Variants in MCRS1 observed in about 807,000 individuals in gnomAD.
The protein encoded by MCRS1 is 58 kDa microspherule protein.
Under a neutral mutation model 62.9 loss-of-function variants are expected in MCRS1, and 22 were observed. The ratio of observed to expected loss-of-function variants is 0.35; its 90% CI spans 0.25 to 0.50. MCRS1 has a LOEUF of 0.50. Ranked by LOEUF, MCRS1 falls within the 20% of genes least tolerant of loss-of-function variation. MCRS1 has a pLI of 0.98. For missense variants in MCRS1, 456 were observed against 601.1 expected, an observed-to-expected ratio of 0.76 and a Z score of 2.52; for synonymous variants, 244 against 233.5, an observed-to-expected ratio of 1.04 and a Z score of -0.41.
At position 49,559,150 on chromosome 12, in the gene MCRS1, A is replaced by G; in HGVS notation, c.1174+64T>C. 6.4e-7 allele frequency: 1 copy of G among 1,568,198 alleles called. No homozygotes were observed. Among genetic ancestry groups the G allele is most frequent in the Non-Finnish European group, 8.7e-7 (1 of 1,143,738 alleles). On this transcript the variant is annotated intron_variant, in intron 13 of 14. Transcript: ENST00000343810. This position sits in a 1 kb window ranked among gnomAD's most constrained non-coding sequence, Gnocchi z 5.2. ...GACACCAAGCCCAGGGCTAGAAAGG[A>G]CAGCGAGAGGCTGGGAGGGACGACC...
intron 8 of MCRS1, 100 bp from the exon 9 acceptor site, chr12:49,560,470 G>A: frequency 9.3e-7 from 1 of 1,078,334 alleles, no homozygotes; most frequent in South Asian, 1.3e-5. Context: ...ACTGCGCTGG[G>A]TGGAGAGCCC....
chr12:49,562,871 G>T, intron 8 of MCRS1, 130 bp downstream of exon 8: 1 of 1,217,674 alleles, frequency 8.2e-7, no homozygotes, highest in Non-Finnish European at 1.1e-6. Context: ...GCAATGTGAG[G>T]TGAACAAGAC....
chr12:49,562,867 TGAG>T, intron 8 of MCRS1, 131 bp downstream of exon 8: 1 of 1,170,700 alleles, frequency 8.5e-7, no homozygotes, highest in Non-Finnish European at 1.1e-6. Context: ...TTTTGCAATG[TGAG>T]GTGAACAAGA....
Position 49,568,141 on chromosome 12 carries a change from T to C in MCRS1, c.-204A>G, listed in dbSNP as rs1006872631. On this transcript the variant is annotated 5_prime_UTR_variant, in exon 1 of 15. Coordinates refer to ENST00000343810, the MANE Select transcript of MCRS1 (RefSeq NM_006337.5). ...TTCCGTGAGGTACGTCTACTTCCGG[T>C]TAACGAACCAGGGGGCTGGCAATCT... 1 of 152,150 alleles carries C rather than the reference T, an allele frequency of 6.6e-6. No individual in the cohort carries two copies. Among genetic ancestry groups the C allele is most frequent in the Non-Finnish European group, 1.5e-5 (1 of 68,008 alleles). 9.4% of individuals were successfully genotyped at this position (152,150 alleles called of 1,614,324 possible). A position where few individuals can be genotyped will look rare whatever the true frequency, so the allele number is the denominator to read the frequency against.
At position 49,559,270 on chromosome 12, in the gene MCRS1, T is replaced by C; in HGVS notation, c.1118A>G (p.Gln373Arg). 6.2e-7 allele frequency: 1 copy of C among 1,614,062 alleles called. No homozygotes were observed. Among genetic ancestry groups the C allele is most frequent in the Non-Finnish European group, 8.5e-7 (1 of 1,180,008 alleles). The change falls in exon 13 of 15, where the codon CAG becomes CGG. Residue 373 changes from glutamine (Q) to arginine (R), a missense_variant. Physicochemically the swap from Gln to Arg is conservative, Grantham distance 43 (BLOSUM62 1). Around this residue, in one of 3 missense-constraint regions of MCRS1, gnomAD observed 393 missense variants for 523.5 expected, o/e 0.75. Coordinates refer to ENST00000343810, the MANE Select transcript of MCRS1 (RefSeq NM_006337.5). This position sits in a 1 kb window ranked among gnomAD's most constrained non-coding sequence, Gnocchi z 5.2. ...CTCCAGAGACAGGTCCACATCAATC[T>C]GGTTATCCTTGGTTGCTCTGCCCAG... ...ITLGRATKDN[Q>R]IDVDLSLEGP...
At chr12:49,563,613 AT>A in intron 6 of MCRS1, 67 bp from the exon 7 acceptor site, 2 of 1,220,034 alleles carry the variant, frequency 1.6e-6, no homozygotes, top group Non-Finnish European at 2.3e-6. Flanking sequence ...GGTTCCTACT[AT>A]TTCCCCCAAA....
Position 49,564,803 on chromosome 12 carries a change from C to T in MCRS1, c.381G>A (p.Gln127=), listed in dbSNP as rs751041711. The change falls in exon 5 of 15, where the codon CAG becomes CAA. Residue 127 remains glutamine (Q), a synonymous_variant. Coordinates refer to ENST00000343810, the MANE Select transcript of MCRS1 (RefSeq NM_006337.5). ...KRVKKSKQPL[Q]VTKDLGRWKP... is the part of the protein sequence containing the mutation. ...TCCAGCGGCCCAGATCCTTGGTCAC[C>T]TGAAGTGGCTGTTTACTCTTCTTCA... The T allele has an allele frequency of 5.0e-6, 8 of 1,613,996 alleles. No homozygotes were observed. In the Admixed American group the frequency reaches 1.2e-4, roughly 24 times the overall value.
At chr12:49,567,090 G>T (rs1361715861) in intron 1 of MCRS1, among the ~76,000 whole-genome samples, 1 of 152,146 alleles carries the variant, frequency 6.6e-6, no homozygotes, top group Non-Finnish European at 1.5e-5. Context: ...ATTTTAGAGG[G>T]TTCATAGACC....
In MCRS1 at chr12:49,559,620, G is replaced by T; in HGVS notation, c.1004-85C>A. ...ACCAGGGCAAGGTTTATAAGGGAAGGGGGTCGGGGCCTGGGAAACGAGGGT... is the reference window on the plus strand; with the variant it reads ...ACCAGGGCAAGGTTTATAAGGGAAGTGGGTCGGGGCCTGGGAAACGAGGGT... On this transcript the variant is annotated intron_variant, in intron 11 of 14. Coordinates refer to ENST00000343810, the MANE Select transcript of MCRS1 (RefSeq NM_006337.5). This position sits in a 1 kb window ranked among gnomAD's most constrained non-coding sequence, Gnocchi z 5.2. 1 of 1,589,930 alleles carries T rather than the reference G, an allele frequency of 6.3e-7. No individual in the cohort carries two copies. Among genetic ancestry groups the T allele is most frequent in the Non-Finnish European group, 8.6e-7 (1 of 1,163,240 alleles).
At chr12:49,562,572 C>T (rs1390816771) in intron 8 of MCRS1, among the ~76,000 whole-genome samples, 4 of 152,030 alleles carry the variant, frequency 2.6e-5, no homozygotes, top group Admixed American at 6.6e-5. Flanking sequence ...AGGCAAAGAG[C>T]GGAAAAGCTC....
In MCRS1 at chr12:49,558,459, G is replaced by A. The variant is rs2138177208; in HGVS notation, c.*184C>T. On this transcript the variant is annotated 3_prime_UTR_variant, in exon 15 of 15. Coordinates refer to ENST00000343810, the MANE Select transcript of MCRS1 (RefSeq NM_006337.5). The stretch of plus-strand genomic sequence containing the variant: ...GGGCTCTGGATCTAGGGAAGCCTGA[G>A]GTTCTCAGCCTCTGCTGGCTTCACA... 1.6e-6 allele frequency: 1 copy of A among 622,178 alleles called. No homozygotes were observed. The highest frequency in any genetic ancestry group is 2.8e-6 in the Non-Finnish European group (1 of 363,442). 38.5% of individuals were successfully genotyped at this position (622,178 alleles called of 1,614,324 possible).
At chr12:49,561,740 T>C (rs1247516277) in intron 8 of MCRS1, among the ~76,000 whole-genome samples, 1 of 152,242 alleles carries the variant, frequency 6.6e-6, no homozygotes, top group Non-Finnish European at 1.5e-5. Flanking sequence ...GCAATTCTCC[T>C]GCCTCAGCTT....
At chr12:49,566,640 A>C (rs1485524922) in intron 2 of MCRS1, 82 bp downstream of exon 2, 3 of 1,599,210 alleles carry the variant, frequency 1.9e-6, no homozygotes, top group Non-Finnish European at 1.7e-6. Flanking sequence ...CAGGACCGAA[A>C]GACACACGTG....
chr12:49,564,159 G>A (rs867692133), intron 6 of MCRS1, among the ~76,000 whole-genome samples: 2 of 152,074 alleles, frequency 1.3e-5, no homozygotes, highest in African/African-American at 2.4e-5. Context: ...GAGGTGACCC[G>A]CCCAAAGCCA....
At chr12:49,567,859 C>T (rs889826949) in intron 1 of MCRS1, 189 bp downstream of exon 1, 1 of 152,238 alleles carries the variant, frequency 6.6e-6, no homozygotes, top group South Asian at 2.1e-4. Flanking sequence ...GGTCTCCATG[C>T]CTTTGCGCAT....
Position 49,559,155 on chromosome 12 carries a change from G to A in MCRS1, c.1174+59C>T, listed in dbSNP as rs1012558956. On this transcript the variant is annotated intron_variant, in intron 13 of 14. Transcript: ENST00000343810. The surrounding 1 kb of genome is among the most constrained non-coding windows in gnomAD (Gnocchi z 5.2). ...CAAGCCCAGGGCTAGAAAGGACAGC[G>A]AGAGGCTGGGAGGGACGACCTCACA... 12 of 1,574,778 alleles carry A rather than the reference G, an allele frequency of 7.6e-6. No homozygotes were observed. Among genetic ancestry groups the A allele is most frequent in the African/African-American group, 6.7e-5 (5 of 74,188 alleles).
Position 49,558,453 on chromosome 12 carries a change from G to T in MCRS1, c.*190C>A. ...GGGGAGGGGCTCTGGATCTAGGGAA[G>T]CCTGAGGTTCTCAGCCTCTGCTGGC... On this transcript the variant is annotated 3_prime_UTR_variant, in exon 15 of 15. Transcript: ENST00000343810. 1 of 591,800 alleles carries T rather than the reference G, an allele frequency of 1.7e-6. No homozygotes were observed. The highest frequency in any genetic ancestry group is 2.4e-5 in the South Asian group (1 of 42,196). 36.7% of individuals were successfully genotyped at this position (591,800 alleles called of 1,614,324 possible).
intron 4 of MCRS1, chr12:49,565,296 C>CCCA: frequency 2.0e-6 from 2 of 985,352 alleles, no homozygotes; most frequent in Non-Finnish European, 2.4e-6. Context: ...CTCCATGCCT[C>CCCA]CCACACGGAA....
At chr12:49,558,799 C>A (rs764461707) in intron 14 of MCRS1, 44 bp downstream of exon 14, 22 of 1,613,410 alleles carry the variant, frequency 1.4e-5, no homozygotes, top group East Asian at 8.9e-5. Flanking sequence ...TGGCTCACCA[C>A]GCCTAGGTCT....
Sources: gnomAD v4.1 joint callset for allele counts (sites outside exome capture counted in the v4.1 genomes callset) on GRCh38, gnomAD v4.1.1 for gene constraint, gnomAD v4.1.1 regional missense constraint, Gnocchi (gnomAD v3.1) non-coding constraint, MANE v1.5 for transcripts, NCBI Gene and HGNC (gene_info 2026-07-23, HGNC 2026-07-21) for gene names.